NDST3: variants seen among roughly 807,000 people sequenced by gnomAD.
The protein encoded by NDST3 is N-deacetylase and N-sulfotransferase 3.
NDST3 carries 58 observed loss-of-function variants against 96.1 expected under a neutral mutation model. That is an observed-to-expected ratio of 0.60 (90% CI 0.49 to 0.75). NDST3 has a LOEUF of 0.75. NDST3 is among the 30% of genes least tolerant of loss of function. The pLI is 0.00. For missense variants in NDST3, 788 were observed against 1,034.2 expected (o/e 0.76, Z 3.27); for synonymous variants, 333 against 359.7 (o/e 0.93, Z 0.84).
At chr4:118,141,451 G>C (rs1733566322) in intron 5 of NDST3, among the ~76,000 whole-genome samples, 1 of 152,186 alleles carries the variant, frequency 6.6e-6, no homozygotes, top group South Asian at 2.1e-4. Flanking sequence ...CTCTCTATGG[G>C]GTTCATACCC....
intron 2 of NDST3, among the ~76,000 whole-genome samples, chr4:118,071,092 T>C (rs945810607): frequency 6.6e-6 from 1 of 152,098 alleles, no homozygotes; most frequent in African/African-American, 2.4e-5. Context: ...CCATGGTGTA[T>C]ATGTGCCACA....
intron 6 of NDST3, among the ~76,000 whole-genome samples, chr4:118,196,042 G>T (rs1333493689): frequency 6.6e-6 from 1 of 151,996 alleles, no homozygotes; most frequent in African/African-American, 2.4e-5. Flanking sequence ...GTTTTTTGAG[G>T]GTTTTTCATG....
At chr4:118,142,036 A>T (rs1165304835) in intron 5 of NDST3, among the ~76,000 whole-genome samples, 2 of 152,092 alleles carry the variant, frequency 1.3e-5, no homozygotes, top group Non-Finnish European at 2.9e-5. Context: ...CAAATTCAAA[A>T]TTTCATTTTT....
intron 1 of NDST3, among the ~76,000 whole-genome samples, chr4:118,047,010 C>G (rs1486827812): frequency 6.6e-6 from 1 of 152,212 alleles, no homozygotes; most frequent in Non-Finnish European, 1.5e-5. Flanking sequence ...GAGGTCACCT[C>G]TCTCCCTGCC....
intron 6 of NDST3, among the ~76,000 whole-genome samples, chr4:118,170,747 A>C (rs1735890033): frequency 6.6e-6 from 1 of 152,184 alleles, no homozygotes; most frequent in Non-Finnish European, 1.5e-5. Flanking sequence ...AAACAAAGAA[A>C]AAATAAGTGT....
At position 118,070,011 on chromosome 4, in the gene NDST3, C is replaced by G. The variant is rs933636790; in HGVS notation, c.981+15120C>G. ...AGATACCAGGTTGTAGCACCTGGTA[C>G]AGTGTTCCTGCAGTGAGCAACTTAC... On this transcript the variant is annotated intron_variant, in intron 2 of 13. Coordinates refer to ENST00000296499, the MANE Select transcript of NDST3 (RefSeq NM_004784.3). Among the ~76,000 whole-genome samples the G allele has an allele frequency of 4.6e-5, 7 of 152,210 alleles. No individual in the cohort carries two copies. The East Asian group carries it at 1.2e-3, about 25-fold the overall frequency.
intron 3 of NDST3, among the ~76,000 whole-genome samples, chr4:118,107,948 G>A (rs1045701220): frequency 6.6e-6 from 1 of 152,128 alleles, no homozygotes; most frequent in Non-Finnish European, 1.5e-5. Flanking sequence ...AAAGAAAAGA[G>A]GTTTAAAGGA....
At chr4:118,127,297 T>C (rs1732189771) in intron 4 of NDST3, among the ~76,000 whole-genome samples, 1 of 152,044 alleles carries the variant, frequency 6.6e-6, no homozygotes, top group Non-Finnish European at 1.5e-5. Flanking sequence ...GTTTCCCCCA[T>C]GTTTTCTTAT....
intron 6 of NDST3, among the ~76,000 whole-genome samples, chr4:118,214,694 C>G (rs1739081871): frequency 6.6e-6 from 1 of 151,940 alleles, no homozygotes; most frequent in Non-Finnish European, 1.5e-5. Context: ...AAGATTAAAC[C>G]AGGCAAGTGC....
chr4:118,139,925 G>A (rs562313123), intron 5 of NDST3, among the ~76,000 whole-genome samples: 1 of 152,038 alleles, frequency 6.6e-6, no homozygotes, highest in East Asian at 1.9e-4. Flanking sequence ...CTATTTACAG[G>A]TTCCATCCAC....
At chr4:118,235,397 G>A (rs542017963) in intron 9 of NDST3, among the ~76,000 whole-genome samples, 4 of 152,154 alleles carry the variant, frequency 2.6e-5, no homozygotes, top group South Asian at 2.1e-4. Flanking sequence ...AGAAAAATGC[G>A]GACATATAGG....
intron 6 of NDST3, among the ~76,000 whole-genome samples, chr4:118,175,793 G>A (rs926775293): frequency 1.3e-5 from 2 of 152,064 alleles, no homozygotes; most frequent in African/African-American, 4.8e-5. Context: ...AGAGTTTGAC[G>A]CCCACTAAAA....
intron 1 of NDST3, among the ~76,000 whole-genome samples, chr4:118,053,247 T>C (rs892003287): frequency 6.6e-6 from 1 of 152,032 alleles, no homozygotes; most frequent in Non-Finnish European, 1.5e-5. Context: ...AGAGCAATTA[T>C]CATAAGGTTG....
intron 6 of NDST3, among the ~76,000 whole-genome samples, chr4:118,152,265 T>C (rs1734449516): frequency 6.6e-6 from 1 of 152,182 alleles, no homozygotes; most frequent in Non-Finnish European, 1.5e-5. Context: ...GTATAGAGAC[T>C]CATTTGTGTT....
Position 118,201,095 on chromosome 4 carries a change from T to A in NDST3, c.1540-23396T>A, listed in dbSNP as rs1048066995. On this transcript the variant is annotated intron_variant, in intron 6 of 13. Transcript: ENST00000296499. Reference sequence around the variant, plus strand: ...GGATTATGGCCTCCAGCTCCATCCATGTTGCTGCAAAGGCCATGATTTCAT... The same window carrying A: ...GGATTATGGCCTCCAGCTCCATCCAAGTTGCTGCAAAGGCCATGATTTCAT... 8.5e-5 allele frequency among the ~76,000 whole-genome samples: 13 copies of A among 152,370 alleles called. No individual in the cohort carries two copies. In the East Asian group the frequency reaches 2.3e-3, roughly 27 times the overall value.
intron 9 of NDST3, among the ~76,000 whole-genome samples, chr4:118,236,205 T>A (rs1347014770): frequency 6.6e-6 from 1 of 152,206 alleles, no homozygotes; most frequent in African/African-American, 2.4e-5. Flanking sequence ...AAAAAATCCC[T>A]TTTCCTCTAA....
rs1477649868 is a variant in NDST3 at position 118,054,005 on chromosome 4, A to C, written c.95A>C (p.Tyr32Ser). The stretch of plus-strand genomic sequence containing the variant: ...GTGAGCATTATCATTTCTGCTTACT[A>C]CCTGTACAGTGGCTACAAACAGGAA... The part of the protein sequence containing the change: ...CMVSIIISAY[Y>S]LYSGYKQENE... Residue 32 changes from tyrosine (Y) to serine (S), a missense_variant, in exon 2 of 14, where the codon TAC becomes TCC. By Grantham distance (144) the Tyr-to-Ser change is moderately radical. This residue lies in a region of NDST3 where 234 missense variants were observed against 256.9 expected (regional missense o/e 0.91). Coordinates refer to ENST00000296499, the MANE Select transcript of NDST3 (RefSeq NM_004784.3). 1.2e-6 allele frequency: 2 copies of C among 1,612,782 alleles called. No homozygotes were observed. The highest frequency in any genetic ancestry group is 1.7e-5 in the Admixed American group (1 of 59,866).
chr4:118,042,183 G>A (rs904862012), intron 1 of NDST3, among the ~76,000 whole-genome samples: 1 of 152,170 alleles, frequency 6.6e-6, no homozygotes, highest in Non-Finnish European at 1.5e-5. Flanking sequence ...GCATCACTGA[G>A]TCAAGCCAAT....
At chr4:118,115,586 GT>G (rs2125866163) in intron 4 of NDST3, among the ~76,000 whole-genome samples, 1 of 152,268 alleles carries the variant, frequency 6.6e-6, no homozygotes, top group East Asian at 1.9e-4. Flanking sequence ...TGGAACATTT[GT>G]TTGGCTGAAG....
Sources: allele counts gnomAD v4.1 joint callset (sites outside exome capture counted in the v4.1 genomes callset), GRCh38; gene constraint gnomAD v4.1.1; regional missense constraint gnomAD v4.1.1; transcripts MANE v1.5; gene names NCBI Gene and HGNC (gene_info 2026-07-23, HGNC 2026-07-21).